The following COL6A5 variants were observed in gnomAD, a reference collection of about 807,000 sequenced individuals.
The protein encoded by COL6A5 is collagen type VI alpha 5 chain.
A neutral mutation model predicts 65.6 loss-of-function variants in COL6A5; 48 were observed. The observed-to-expected ratio is 0.73, with a 90% confidence interval of 0.58 to 0.93. The LOEUF (loss-of-function observed/expected upper bound fraction) is 0.93, where lower values mean the gene tolerates loss of function less well. COL6A5 is among the 40% of genes least tolerant of loss of function. The pLI is 0.00. For synonymous variants in COL6A5, 291 were observed against 322.8 expected, an observed-to-expected ratio of 0.90 and a Z score of 1.05; for missense variants, 914 against 928.3, an observed-to-expected ratio of 0.98 and a Z score of 0.20.
At position 130,392,764 on chromosome 3, in the gene COL6A5, G is replaced by A. The variant is rs114594939; in HGVS notation, c.2992+1010G>A. On this transcript the variant is annotated intron_variant and NMD_transcript_variant, in intron 7 of 41. Coordinates refer to the COL6A5 transcript ENST00000312481. The stretch of plus-strand genomic sequence containing the variant: ...TTACCTCAAATCCTGTGTCAGATCA[G>A]CATTTGCTTGGCTAAATAAAACTAT... Among the ~76,000 whole-genome samples the A allele has an allele frequency of 5.7e-3, 874 of 152,298 alleles. 8 individuals carry two copies. The highest frequency in any genetic ancestry group is 0.019 in the African/African-American group (807 of 41,562).
intron 1 of COL6A5, among the ~76,000 whole-genome samples, chr3:130,432,515 C>T (rs563019090): frequency 6.7e-6 from 1 of 148,230 alleles, no homozygotes; most frequent in South Asian, 2.1e-4. Flanking sequence ...GGCGCCACTA[C>T]ACTCCAGCCT....
rs1936886402 is a variant in COL6A5, at chr3:130,403,591, T to A, written c.4228-18T>A. 1 of 1,549,576 alleles carries A rather than the reference T, an allele frequency of 6.5e-7. No homozygotes were observed. The highest frequency in any genetic ancestry group is 1.4e-5 in the African/African-American group (1 of 72,942). On this transcript the variant is annotated intron_variant and NMD_transcript_variant, in intron 12 of 41. Coordinates refer to the COL6A5 transcript ENST00000312481. The stretch of plus-strand genomic sequence containing the variant: ...GGGGGGGGGTGACTAAAATGTATTG[T>A]TCTCTCTTTCTTCCCAGGGTTCTCA...
chr3:130,442,371 A>AT (rs113165161), intron 3 of COL6A5, among the ~76,000 whole-genome samples: 18,545 of 152,036 alleles, frequency 0.12, 1,661 homozygotes, highest in East Asian at 0.33. Flanking sequence ...ATTGGTATCC[A>AT]TTTTTTTCTA....
chr3:130,375,006 T>C (rs1345408159), intron 2 of COL6A5, among the ~76,000 whole-genome samples: 3 of 152,248 alleles, frequency 2.0e-5, no homozygotes. Flanking sequence ...GATTTCCTGA[T>C]GCATTTCTGA....
Position 130,431,967 on chromosome 3 carries a change from C to A in COL6A5, c.487+18C>A. The stretch of plus-strand genomic sequence containing the variant: ...CTTTTGGGGTAAGAATTTCTCTTGG[C>A]AACTTCTTTAATTTTAAGATAGAGG... On this transcript the variant is annotated intron_variant, in intron 1 of 7. Transcript: ENST00000512836. 1 of 1,544,850 alleles carries A rather than the reference C, an allele frequency of 6.5e-7. No individual in the cohort carries two copies. Among genetic ancestry groups the A allele is most frequent in the Middle Eastern group, 1.7e-4 (1 of 5,954 alleles).
At chr3:130,390,641 G>T (rs1443431480) in intron 6 of COL6A5, among the ~76,000 whole-genome samples, 1 of 152,104 alleles carries the variant, frequency 6.6e-6, no homozygotes, top group Non-Finnish European at 1.5e-5. Context: ...AAAAGGTTAG[G>T]GGAAAAAGCA....
chr3:130,362,607 T>A (rs1244358065), intron 1 of COL6A5, among the ~76,000 whole-genome samples: 1 of 152,094 alleles, frequency 6.6e-6, no homozygotes, highest in Non-Finnish European at 1.5e-5. Context: ...ATTGTATTGT[T>A]TATTCTGAGT....
intron 1 of COL6A5, among the ~76,000 whole-genome samples, chr3:130,350,847 A>C (rs1297798858): frequency 6.6e-6 from 1 of 152,250 alleles, no homozygotes; most frequent in African/African-American, 2.4e-5. Flanking sequence ...AAGCACCTGC[A>C]TTGCCAAGAC....
intron 1 of COL6A5, among the ~76,000 whole-genome samples, chr3:130,363,171 T>A (rs1390650001): frequency 1.3e-5 from 2 of 152,210 alleles, no homozygotes; most frequent in Non-Finnish European, 2.9e-5. Context: ...GCATATCAGT[T>A]ATACTTCATT....
intron 5 of COL6A5, among the ~76,000 whole-genome samples, 159 bp downstream of exon 37, chr3:130,455,825 A>T (rs188954100): frequency 7.2e-5 from 11 of 152,304 alleles, no homozygotes; most frequent in African/African-American, 2.6e-4. Context: ...GAAATTGAAG[A>T]AGTGAATGGT....
chr3:130,388,695 A>T lies in COL6A5; in HGVS notation c.1977A>T (p.Gln659His). ...TGAAAAACCTGTTAACTAAAATTCAAATTGGTGCAGACAAAACCCAGATTG... is the reference window on the plus strand; with the variant it reads ...TGAAAAACCTGTTAACTAAAATTCATATTGGTGCAGACAAAACCCAGATTG... Residue 659 changes from glutamine (Q) to histidine (H), a missense_variant and NMD_transcript_variant, in exon 6 of 42, where the codon CAA becomes CAT. Physicochemically the swap from Gln to His is conservative, Grantham distance 24. Coordinates refer to the COL6A5 transcript ENST00000312481. The T allele has an allele frequency of 2.6e-6, 4 of 1,551,344 alleles. No homozygotes were observed. The highest frequency in any genetic ancestry group is 3.5e-6 in the Non-Finnish European group (4 of 1,146,748).
At chr3:130,479,455 A>G (rs545513886) in intron 7 of COL6A5, among the ~76,000 whole-genome samples, 1 of 152,260 alleles carries the variant, frequency 6.6e-6, no homozygotes, top group Admixed American at 6.5e-5. Context: ...ACAAACAAAC[A>G]AAAACCACAA....
At chr3:130,456,967 A>T (rs1178241788) in intron 5 of COL6A5, among the ~76,000 whole-genome samples, 1 of 152,140 alleles carries the variant, frequency 6.6e-6, no homozygotes, top group Non-Finnish European at 1.5e-5. Context: ...TAGTTGAAAA[A>T]TAGGCATCTT....
chr3:130,463,496 C>G (rs1709747301), intron 5 of COL6A5, among the ~76,000 whole-genome samples: 1 of 152,076 alleles, frequency 6.6e-6, no homozygotes, highest in South Asian at 2.1e-4. Flanking sequence ...CCTAATGTTA[C>G]TGGAGCACAT....
In COL6A5 at chr3:130,380,067, AC is replaced by A; in HGVS notation, c.1300+18del. On this transcript the variant is annotated intron_variant and NMD_transcript_variant, in intron 4 of 41. Coordinates refer to the COL6A5 transcript ENST00000312481. ...ATAAAACTGGTATGTTTTTTAAAAT[AC>A]TTTTCTAATTATAAAATTAATATAA... is the stretch of plus-strand genomic sequence containing the variant. The A allele has an allele frequency of 6.9e-7, 1 of 1,455,252 alleles. No homozygotes were observed. The highest frequency in any genetic ancestry group is 9.2e-7 in the Non-Finnish European group (1 of 1,090,888). The allele number at this position is 1,455,252 out of a possible 1,614,324, so 90.1% of individuals were successfully genotyped here.
At chr3:130,372,851 G>T (rs1295368905) in intron 1 of COL6A5, among the ~76,000 whole-genome samples, 1 of 152,134 alleles carries the variant, frequency 6.6e-6, no homozygotes. Flanking sequence ...CTAAAAATCA[G>T]CCCTTACACC....
intron 5 of COL6A5, among the ~76,000 whole-genome samples, chr3:130,464,213 C>T (rs1709764336): frequency 6.6e-6 from 1 of 151,938 alleles, no homozygotes; most frequent in African/African-American, 2.4e-5. Context: ...CTCAGTGCAG[C>T]CTGAAACTCC....
chr3:130,478,262 G>T (rs1035519953), intron 7 of COL6A5, among the ~76,000 whole-genome samples: 1 of 152,116 alleles, frequency 6.6e-6, no homozygotes, highest in African/African-American at 2.4e-5. Flanking sequence ...TGATGACAGT[G>T]ATGATAACAA....
chr3:130,345,920 C>T lies in COL6A5; in HGVS notation c.-90C>T, dbSNP rs1433142028. ...TGCGCTCAGGAGCTCGGTGCAGCCT[C>T]TTCTGGAGAGTTGGGGGCGGTTTCC... On this transcript the variant is annotated 5_prime_UTR_variant and NMD_transcript_variant, in exon 1 of 42. Transcript: ENST00000312481. The T allele has an allele frequency of 1.0e-5, 4 of 398,534 alleles. No homozygotes were observed. In the East Asian group the frequency reaches 1.4e-4, roughly 14 times the overall value. The allele number at this position is 398,534 out of a possible 1,614,324, so 24.7% of individuals were successfully genotyped here.
Sources: gnomAD v4.1 joint callset for allele counts (sites outside exome capture counted in the v4.1 genomes callset) on GRCh38, gnomAD v4.1.1 for gene constraint, MANE v1.5 for transcripts, NCBI Gene and HGNC (gene_info 2026-07-23, HGNC 2026-07-21) for gene names.